ZNF804A: variants seen among roughly 807,000 people sequenced by gnomAD.
ZNF804A encodes zinc finger protein 804A.
Under a neutral mutation model 16.5 loss-of-function variants are expected in ZNF804A, and 2 were observed. That is an observed-to-expected ratio of 0.12 (90% CI 0.05 to 0.38). The LOEUF (loss-of-function observed/expected upper bound fraction) is 0.38, where lower values mean the gene tolerates loss of function less well. Among genes scored for constraint, ZNF804A ranks in the 10% least tolerant of loss-of-function variants. ZNF804A has a pLI of 0.99. For missense variants in ZNF804A, 1,473 were observed against 1,390.7 expected (o/e 1.06, Z -0.94); for synonymous variants, 534 against 489.6 (o/e 1.09, Z -1.20).
At chr2:184,651,456 T>C (rs1197285889) in intron 1 of ZNF804A, among the ~76,000 whole-genome samples, 1 of 151,968 alleles carries the variant, frequency 6.6e-6, no homozygotes, top group East Asian at 1.9e-4. Flanking sequence ...CTAATTAAAC[T>C]AAAAAGCTTC....
intron 1 of ZNF804A, among the ~76,000 whole-genome samples, chr2:184,740,510 A>T (rs1036638137): frequency 6.6e-6 from 1 of 152,282 alleles, no homozygotes; most frequent in African/African-American, 2.4e-5. Flanking sequence ...TTTCTCAGGC[A>T]TAGATTTATT....
chr2:184,630,637 T>C (rs1691590356), intron 1 of ZNF804A, among the ~76,000 whole-genome samples: 1 of 152,178 alleles, frequency 6.6e-6, no homozygotes, highest in Non-Finnish European at 1.5e-5. Flanking sequence ...TTTAATCTAC[T>C]CATCTATCAC....
intron 1 of ZNF804A, among the ~76,000 whole-genome samples, chr2:184,835,921 A>G (rs1190935873): frequency 1.3e-5 from 2 of 152,134 alleles, no homozygotes; most frequent in African/African-American, 4.8e-5. Context: ...ACAATAATAA[A>G]TAAGATATTT....
rs555737991 is a variant in ZNF804A, at chr2:184,721,494, A to G, written c.111+122424A>G. Among the ~76,000 whole-genome samples, 8 of 152,272 alleles carry G rather than the reference A, an allele frequency of 5.3e-5. No homozygotes were observed. The East Asian group carries it at 1.5e-3, about 29-fold the overall frequency. On this transcript the variant is annotated intron_variant, in intron 1 of 3. Transcript: ENST00000302277. ...TATATAAAAAAAAATGCTTAACATC[A>G]CTAGTCATCATGGAAATGCAAATTA...
intron 2 of ZNF804A, among the ~76,000 whole-genome samples, chr2:184,928,085 A>T (rs1258798052): frequency 3.3e-5 from 5 of 151,956 alleles, no homozygotes; most frequent in African/African-American, 1.2e-4. Context: ...GAATATGCTG[A>T]GTTTCACTGG....
At chr2:184,739,797 G>C (rs185669759) in intron 1 of ZNF804A, among the ~76,000 whole-genome samples, 1 of 152,260 alleles carries the variant, frequency 6.6e-6, no homozygotes, top group Non-Finnish European at 1.5e-5. Flanking sequence ...CTGCTCTTCA[G>C]ATCTTACATG....
intron 1 of ZNF804A, among the ~76,000 whole-genome samples, chr2:184,629,905 G>T (rs1228042012): frequency 6.6e-6 from 1 of 152,074 alleles, no homozygotes; most frequent in Non-Finnish European, 1.5e-5. Flanking sequence ...TATGAATTAG[G>T]CCTTAGAGGC....
chr2:184,792,734 C>G (rs1385923467), intron 1 of ZNF804A, among the ~76,000 whole-genome samples: 2 of 151,968 alleles, frequency 1.3e-5, no homozygotes, highest in African/African-American at 4.8e-5. Flanking sequence ...ACAAGATCAT[C>G]TAGGTTTTCT....
At chr2:184,767,979 A>G (rs141769711) in intron 1 of ZNF804A, among the ~76,000 whole-genome samples, 160 of 152,228 alleles carry the variant, frequency 1.1e-3, no homozygotes, top group African/African-American at 3.4e-3. Context: ...TCTATTTATT[A>G]TAGCCACATA....
At chr2:184,765,841 TA>T (rs1694117262) in intron 1 of ZNF804A, among the ~76,000 whole-genome samples, 1 of 152,160 alleles carries the variant, frequency 6.6e-6, no homozygotes, top group African/African-American at 2.4e-5. Context: ...GACTCTAAAA[TA>T]TTTTTTCACA....
intron 1 of ZNF804A, among the ~76,000 whole-genome samples, chr2:184,794,743 A>C (rs1451358208): frequency 2.6e-5 from 4 of 152,116 alleles, no homozygotes; most frequent in African/African-American, 9.7e-5. Context: ...CCAACCAACT[A>C]TCTGCTGCCT....
chr2:184,843,277 T>A (rs988141404), intron 1 of ZNF804A, among the ~76,000 whole-genome samples: 2 of 152,114 alleles, frequency 1.3e-5, no homozygotes, highest in Non-Finnish European at 2.9e-5. Context: ...TTATTTATTT[T>A]TTTGAAACAG....
At chr2:184,878,427 G>A (rs1392389537) in intron 2 of ZNF804A, among the ~76,000 whole-genome samples, 1 of 151,948 alleles carries the variant, frequency 6.6e-6, no homozygotes, top group African/African-American at 2.4e-5. Flanking sequence ...CAATAATGGA[G>A]GCAGCAATAT....
chr2:184,819,965 T>C (rs192024263), intron 1 of ZNF804A, among the ~76,000 whole-genome samples: 19 of 152,080 alleles, frequency 1.2e-4, no homozygotes, highest in Admixed American at 9.8e-4. Context: ...CCAGATGGAT[T>C]TACAACTAAA....
chr2:184,862,666 T>A (rs984534319), intron 1 of ZNF804A, among the ~76,000 whole-genome samples: 9 of 75,742 alleles, frequency 1.2e-4, no homozygotes, highest in African/African-American at 8.1e-4. Context: ...AGTTATTAAC[T>A]TTTTTTAAAT....
intron 1 of ZNF804A, among the ~76,000 whole-genome samples, chr2:184,841,419 T>G (rs1375735863): frequency 6.6e-6 from 1 of 152,194 alleles, no homozygotes; most frequent in Non-Finnish European, 1.5e-5. Context: ...ATAAATATTT[T>G]AAAACCTCAT....
chr2:184,725,358 A>C (rs1693391181), intron 1 of ZNF804A, among the ~76,000 whole-genome samples: 1 of 151,678 alleles, frequency 6.6e-6, no homozygotes, highest in South Asian at 2.1e-4. Context: ...TTCTTAATAA[A>C]ATTTAAATAT....
chr2:184,800,025 G>A (rs1694700285), intron 1 of ZNF804A, among the ~76,000 whole-genome samples: 1 of 151,980 alleles, frequency 6.6e-6, no homozygotes, highest in African/African-American at 2.4e-5. Context: ...GGTAGTTTGT[G>A]TCTTTCAAGG....
chr2:184,867,408 T>C (rs541788163), intron 2 of ZNF804A, among the ~76,000 whole-genome samples: 8 of 152,252 alleles, frequency 5.3e-5, no homozygotes, highest in African/African-American at 1.4e-4. Context: ...ATCAGAGTTA[T>C]TTATTGTAAG....
Sources: allele counts gnomAD v4.1 joint callset (sites outside exome capture counted in the v4.1 genomes callset), GRCh38; gene constraint gnomAD v4.1.1; transcripts MANE v1.5; gene names NCBI Gene and HGNC (gene_info 2026-07-23, HGNC 2026-07-21).